The following TULP4 variants were observed in gnomAD, a reference collection of about 807,000 sequenced individuals.
The protein encoded by TULP4 is tubby-related protein 4.
Under a neutral mutation model 129.0 loss-of-function variants are expected in TULP4, and 16 were observed. The observed-to-expected ratio is 0.12, with a 90% CI of 0.08 to 0.19. TULP4 has a LOEUF of 0.19. TULP4 is among the 10% of genes least tolerant of loss of function. The pLI is 1.00. For synonymous variants in TULP4, 998 were observed against 854.0 expected, an observed-to-expected ratio of 1.17 and a Z score of -2.94; for missense variants, 1,842 against 2,059.1, an observed-to-expected ratio of 0.89 and a Z score of 2.04.
At chr6:158,396,114 G>T (rs1171637167) in intron 1 of TULP4, among the ~76,000 whole-genome samples, 4 of 152,168 alleles carry the variant, frequency 2.6e-5, no homozygotes, top group African/African-American at 7.2e-5. Flanking sequence ...AATAATCTTC[G>T]TAGTTCAATG....
At chr6:158,480,106 T>G in intron 7 of TULP4, 131 bp downstream of exon 7, 1 of 692,060 alleles carries the variant, frequency 1.4e-6, no homozygotes, top group Non-Finnish European at 2.4e-6. Flanking sequence ...GATCCTGTCA[T>G]GTGCTGCCAG....
chr6:158,308,553 G>A (rs1340562141), upstream of TULP4, among the ~76,000 whole-genome samples: 1 of 151,980 alleles, frequency 6.6e-6, no homozygotes, highest in East Asian at 2.0e-4. Flanking sequence ...GGGCAGAGGG[G>A]CTCTTCACTT....
intron 2 of TULP4, 147 bp from the exon 3 acceptor site, chr6:158,429,588 GT>G: frequency 1.1e-6 from 1 of 899,740 alleles, no homozygotes; most frequent in Non-Finnish European, 1.6e-6. Flanking sequence ...CCTCAGTAAC[GT>G]TTTTATAGCT....
In TULP4 at chr6:158,237,401, C is replaced by CT. The variant is rs1777732840; in HGVS notation, n.68+5099dup. 2.5e-6 allele frequency: 4 copies of CT among 1,610,684 alleles called. No homozygotes were observed. In the Admixed American group the frequency reaches 6.7e-5, roughly 27 times the overall value. ...TGTTTCTTTTTTGTTGCTGGAGCCC[C>CT]TGCAGGTCTCTGGTGTCTTGGGGGT... On this transcript the variant is annotated intron_variant and non_coding_transcript_variant, in intron 1 of 1. Transcript: ENST00000620026.
At chr6:158,235,181 G>GAA (rs371171313) in intron 1 of TULP4, among the ~76,000 whole-genome samples, 66 of 136,218 alleles carry the variant, frequency 4.8e-4, no homozygotes, top group Non-Finnish European at 5.3e-4. Context: ...CTGTCTCAAA[G>GAA]AAAAAAAAAA....
chr6:158,419,231 A>C lies in TULP4; in HGVS notation c.381+6038A>C, dbSNP rs1391525417. Reference sequence around the variant, plus strand: ...GAGACATTGCTGATAACACAACATAAACCCATAACCCCTACTTGAAAAACA... The same window carrying C: ...GAGACATTGCTGATAACACAACATACACCCATAACCCCTACTTGAAAAACA... On this transcript the variant is annotated intron_variant, in intron 2 of 13. Transcript: ENST00000367097. Among the ~76,000 whole-genome samples, 6 of 152,270 alleles carry C rather than the reference A, an allele frequency of 3.9e-5. No homozygotes were observed. The East Asian group carries it at 1.2e-3, about 29-fold the overall frequency.
chr6:158,299,209 G>A (rs918981480), intron 1 of TULP4, among the ~76,000 whole-genome samples: 1 of 152,116 alleles, frequency 6.6e-6, no homozygotes, highest in East Asian at 1.9e-4. Flanking sequence ...ATGCCAAGTA[G>A]GATGATGATC....
chr6:158,256,375 A>C (rs1484564685), intron 1 of TULP4, among the ~76,000 whole-genome samples: 1 of 152,198 alleles, frequency 6.6e-6, no homozygotes, highest in African/African-American at 2.4e-5. Context: ...ACACACATAT[A>C]CCACACTCAC....
intron 1 of TULP4, among the ~76,000 whole-genome samples, chr6:158,408,875 T>A (rs1778025141): frequency 6.6e-6 from 1 of 152,270 alleles, no homozygotes; most frequent in Non-Finnish European, 1.5e-5. Context: ...TAGTTGTTGC[T>A]GGTTCACTTA....
chr6:158,311,267 G>C (rs1170650051), upstream of TULP4, among the ~76,000 whole-genome samples: 20 of 152,174 alleles, frequency 1.3e-4, no homozygotes, highest in African/African-American at 4.6e-4. Flanking sequence ...TCCAGTTCCT[G>C]TGGGATGGGG....
rs1279449564 is a variant in TULP4, at chr6:158,510,926, A to G, written c.*4232A>G. ...GTCCATGGTGTCGCTGTGTGCCTGT[A>G]TCATTTGGCCAAGTCAATGGTTGTA... On this transcript the variant is annotated 3_prime_UTR_variant, in exon 14 of 14. Coordinates refer to ENST00000367097, the MANE Select transcript of TULP4 (RefSeq NM_020245.5). 6.6e-6 allele frequency: 1 copy of G among 152,250 alleles called. No homozygotes were observed. The highest frequency in any genetic ancestry group is 1.5e-5 in the Non-Finnish European group (1 of 68,040). The allele number at this position is 152,250 out of a possible 1,614,324, so 9.4% of individuals were successfully genotyped here.
intron 1 of TULP4, among the ~76,000 whole-genome samples, chr6:158,235,785 AC>A (rs1163982174): frequency 6.6e-6 from 1 of 152,216 alleles, no homozygotes. Context: ...CTTGTATTTG[AC>A]CTTAGTGAAA....
intron 1 of TULP4, among the ~76,000 whole-genome samples, chr6:158,269,111 GAA>G (rs1415488830): frequency 2.6e-5 from 4 of 152,050 alleles, no homozygotes; most frequent in African/African-American, 9.7e-5. Flanking sequence ...TTTTTTTCTA[GAA>G]ATTCTCGAGT....
At chr6:158,264,535 G>A (rs914040130) in intron 1 of TULP4, among the ~76,000 whole-genome samples, 3 of 152,100 alleles carry the variant, frequency 2.0e-5, no homozygotes, top group African/African-American at 4.8e-5. Flanking sequence ...GGAGTTGGGG[G>A]AAGGCTTGGT....
At position 158,507,952 on chromosome 6, in the gene TULP4, G is replaced by C. The variant is rs1173739270; in HGVS notation, c.*1258G>C. On this transcript the variant is annotated 3_prime_UTR_variant, in exon 14 of 14. Coordinates refer to ENST00000367097, the MANE Select transcript of TULP4 (RefSeq NM_020245.5). ...TAACAAAAAAAGTTGTTTATTAACT[G>C]TACAGACTGTTTACTAAGGAGCTAA... The C allele has an allele frequency of 2.0e-5, 3 of 152,144 alleles. No individual in the cohort carries two copies. In the South Asian group the frequency reaches 6.2e-4, roughly 32 times the overall value. The allele number at this position is 152,144 out of a possible 1,614,324, so 9.4% of individuals were successfully genotyped here.
rs540497596 is a variant in TULP4, at chr6:158,456,122, A to T, written c.859+3854A>T. Among the ~76,000 whole-genome samples the T allele has an allele frequency of 7.9e-5, 12 of 152,318 alleles. 1 individual carries two copies. The South Asian group carries it at 2.5e-3, about 32-fold the overall frequency. Reference sequence around the variant, plus strand: ...CCAGGAGGTAGACGTTACCTTGTTAATAATTCTTAGGAACTGAACAGGACT... The same window carrying T: ...CCAGGAGGTAGACGTTACCTTGTTATTAATTCTTAGGAACTGAACAGGACT... On this transcript the variant is annotated intron_variant, in intron 5 of 13. Coordinates refer to ENST00000367097, the MANE Select transcript of TULP4 (RefSeq NM_020245.5).
At chr6:158,389,664 A>C (rs1183234523) in intron 1 of TULP4, among the ~76,000 whole-genome samples, 1 of 152,124 alleles carries the variant, frequency 6.6e-6, no homozygotes. Context: ...GGGCATATGA[A>C]TCATGTGGTG....
intron 4 of TULP4, among the ~76,000 whole-genome samples, chr6:158,451,406 G>A (rs1779160129): frequency 6.6e-6 from 1 of 152,250 alleles, no homozygotes; most frequent in Admixed American, 6.5e-5. Context: ...TGAGCCCAGT[G>A]TGGCTGTGAA....
chr6:158,261,470 G>A (rs550442492), intron 1 of TULP4, among the ~76,000 whole-genome samples: 2 of 152,274 alleles, frequency 1.3e-5, no homozygotes, highest in African/African-American at 4.8e-5. Flanking sequence ...AGATAACTTA[G>A]GTAATTGGGA....
Sources: allele counts gnomAD v4.1 joint callset (sites outside exome capture counted in the v4.1 genomes callset), GRCh38; gene constraint gnomAD v4.1.1; transcripts MANE v1.5; gene names NCBI Gene and HGNC (gene_info 2026-07-23, HGNC 2026-07-21).